The following NAA15 variants were observed in gnomAD, a reference collection of about 807,000 sequenced individuals.
NAA15 encodes the protein N-terminal acetyltransferase.
In NAA15, 34 loss-of-function variants were observed where a neutral mutation model predicts 114.0. The observed-to-expected ratio is 0.30, with a 90% CI of 0.23 to 0.40. The LOEUF is 0.40. Among genes scored for constraint, NAA15 ranks in the 10% least tolerant of loss-of-function variants. The pLI, the probability that NAA15 is intolerant of heterozygous loss-of-function variation, is 1.00. For synonymous variants in NAA15, 340 were observed against 338.0 expected (o/e 1.01, Z -0.06); for missense variants, 658 against 1,004.5 (o/e 0.66, Z 4.66).
chr4:139,318,424 A>G (rs1420915904), intron 1 of NAA15: 1 of 152,192 alleles, frequency 6.6e-6, no homozygotes, highest in Non-Finnish European at 1.5e-5. Context: ...AATACAAAGA[A>G]GATTATTAGC....
intron 6 of NAA15, among the ~76,000 whole-genome samples, chr4:139,344,559 TTGAA>T (rs1747520167): frequency 1.3e-5 from 2 of 152,182 alleles, no homozygotes; most frequent in African/African-American, 4.8e-5. Flanking sequence ...TGAAAAGTAG[TTGAA>T]TGAAATGACT....
intron 1 of NAA15, among the ~76,000 whole-genome samples, chr4:139,322,286 C>G (rs777396977): frequency 6.6e-6 from 1 of 152,262 alleles, no homozygotes; most frequent in Admixed American, 6.5e-5. Context: ...AGGGGAGTTT[C>G]CCTGCACAAG....
At chr4:139,320,346 G>A (rs1055205900) in intron 1 of NAA15, among the ~76,000 whole-genome samples, 2 of 152,148 alleles carry the variant, frequency 1.3e-5, no homozygotes. Flanking sequence ...TCTGGTGCCT[G>A]AACGGAGTAT....
chr4:139,354,603 A>G (rs138803296), intron 10 of NAA15, among the ~76,000 whole-genome samples: 174 of 152,286 alleles, frequency 1.1e-3, no homozygotes, highest in African/African-American at 3.8e-3. Flanking sequence ...CCCACCTCGC[A>G]TTAGTTTATT....
chr4:139,310,378 C>T (rs1409244262), intron 1 of NAA15, among the ~76,000 whole-genome samples: 3 of 147,864 alleles, frequency 2.0e-5, no homozygotes, highest in Non-Finnish European at 3.0e-5. Flanking sequence ...GGCGTGAACC[C>T]AGGAGGCGGA....
chr4:139,323,045 TTTC>T (rs932248001), intron 1 of NAA15, among the ~76,000 whole-genome samples: 4 of 146,364 alleles, frequency 2.7e-5, no homozygotes, highest in Non-Finnish European at 6.0e-5. Flanking sequence ...TTCTTTTTCT[TTTC>T]TTTTCTTTTT....
chr4:139,345,938 G>A (rs1381431035), intron 6 of NAA15, among the ~76,000 whole-genome samples: 1 of 151,970 alleles, frequency 6.6e-6, no homozygotes, highest in Non-Finnish European at 1.5e-5. Flanking sequence ...AAAGGGAGTG[G>A]GAGTAGAGGA....
At chr4:139,375,447 T>G (rs937494846) in intron 15 of NAA15, among the ~76,000 whole-genome samples, 4 of 146,102 alleles carry the variant, frequency 2.7e-5, no homozygotes. Context: ...TCACTGCTTT[T>G]CTTTTCTTTT....
chr4:139,388,546 GT>G lies in NAA15; in HGVS notation c.*464del, dbSNP rs1748968932. On this transcript the variant is annotated 3_prime_UTR_variant, in exon 20 of 20. Transcript: ENST00000296543. Reference sequence around the variant, plus strand: ...GGGGCTTTAGCATCTGACTGATTTTGTTACGGGGTTGATTCTGACCATAGGA... The same window carrying G: ...GGGGCTTTAGCATCTGACTGATTTTGTACGGGGTTGATTCTGACCATAGGA... The G allele has an allele frequency of 6.4e-6, 1 of 157,460 alleles. No homozygotes were observed. Among genetic ancestry groups the G allele is most frequent in the Admixed American group, 6.2e-5 (1 of 16,090 alleles). 9.8% of individuals were successfully genotyped at this position (157,460 alleles called of 1,614,324 possible).
rs987517946 is a variant in NAA15, at chr4:139,349,119, G to C, written c.692-343G>C. 2.6e-5 allele frequency among the ~76,000 whole-genome samples: 4 copies of C among 152,206 alleles called. No individual in the cohort carries two copies. In the East Asian group the frequency reaches 7.7e-4, roughly 29 times the overall value. ...ATTGAATTGAGTCATTAATTTTGAT[G>C]CTGAAGTTGTTCCATATGATATCAG... On this transcript the variant is annotated intron_variant, in intron 6 of 19. Coordinates refer to ENST00000296543, the MANE Select transcript of NAA15 (RefSeq NM_057175.5).
Position 139,384,890 on chromosome 4 carries a change from G to T in NAA15, c.2214G>T (p.Met738Ile). Reference protein sequence around the residue: ...DTVRTVLKQEMNRLFGATNPK... With the variant: ...DTVRTVLKQEINRLFGATNPK... Reference sequence around the variant, plus strand: ...TTAGAACAGTATTAAAACAAGAAATGAATCGTCTTTTTGGAGCAACGAATC... The same window carrying T: ...TTAGAACAGTATTAAAACAAGAAATTAATCGTCTTTTTGGAGCAACGAATC... Residue 738 changes from methionine (M) to isoleucine (I), a missense_variant, in exon 18 of 20, where the codon ATG becomes ATT. By Grantham distance (10) the Met-to-Ile change is conservative. Transcript: ENST00000296543. The T allele has an allele frequency of 1.3e-6, 2 of 1,552,692 alleles. No individual in the cohort carries two copies. The highest frequency in any genetic ancestry group is 1.7e-6 in the Non-Finnish European group (2 of 1,147,150).
At chr4:139,323,685 T>A (rs79649102) in intron 1 of NAA15, among the ~76,000 whole-genome samples, 8,288 of 152,214 alleles carry the variant, frequency 0.054, 251 homozygotes, top group East Asian at 0.1. Context: ...TAGAGACAAA[T>A]AGGGATTTTT....
At chr4:139,331,931 A>G (rs1185639197) in intron 1 of NAA15, among the ~76,000 whole-genome samples, 3 of 152,030 alleles carry the variant, frequency 2.0e-5, no homozygotes, top group Admixed American at 6.6e-5. Flanking sequence ...TTTTCTGTAG[A>G]CCTATTGCTC....
intron 1 of NAA15, among the ~76,000 whole-genome samples, chr4:139,329,036 A>AT (rs1294481724): frequency 0.048 from 6,216 of 128,674 alleles, 138 homozygotes; most frequent in Middle Eastern, 0.075. Context: ...TGCCTGGCTA[A>AT]TTTTTTTTTT....
At chr4:139,378,459 TAAAG>T (rs939135772) in intron 16 of NAA15, among the ~76,000 whole-genome samples, 1 of 152,216 alleles carries the variant, frequency 6.6e-6, no homozygotes, top group East Asian at 1.9e-4. Flanking sequence ...TATTTTGAAA[TAAAG>T]GAAGTTAGGA....
intron 1 of NAA15, among the ~76,000 whole-genome samples, chr4:139,308,607 TA>T (rs1321757841): frequency 6.6e-6 from 1 of 152,230 alleles, no homozygotes; most frequent in African/African-American, 2.4e-5. Flanking sequence ...TAAGTTTATT[TA>T]TTTTTTTGAG....
intron 1 of NAA15, among the ~76,000 whole-genome samples, chr4:139,317,045 G>A (rs1236040612): frequency 6.6e-6 from 1 of 151,776 alleles, no homozygotes; most frequent in Non-Finnish European, 1.5e-5. Flanking sequence ...TCACTGTCAT[G>A]TATCAGATGT....
chr4:139,368,117 A>G (rs1748334977), intron 14 of NAA15, among the ~76,000 whole-genome samples: 1 of 152,230 alleles, frequency 6.6e-6, no homozygotes, highest in South Asian at 2.1e-4. Flanking sequence ...TCTCATGTCC[A>G]GGTACCAAAA....
chr4:139,360,116 T>A (rs1401151383), intron 12 of NAA15, among the ~76,000 whole-genome samples: 3 of 152,198 alleles, frequency 2.0e-5, no homozygotes, highest in African/African-American at 7.2e-5. Flanking sequence ...TGGTTTATAT[T>A]CATGTACGTT....
Sources: allele counts gnomAD v4.1 joint callset (sites outside exome capture counted in the v4.1 genomes callset), GRCh38; gene constraint gnomAD v4.1.1; transcripts MANE v1.5; gene names NCBI Gene and HGNC (gene_info 2026-07-23, HGNC 2026-07-21).